Variants in SLC5A10 observed in about 807,000 individuals in gnomAD.
The protein encoded by SLC5A10 is sodium/mannose cotransporter SLC5A10.
SLC5A10 carries 55 observed loss-of-function variants against 68.9 expected under a neutral mutation model. The ratio of observed to expected loss-of-function variants is 0.80; its 90% CI spans 0.64 to 1.00. SLC5A10 has a LOEUF of 1.00. SLC5A10 is among the 50% of genes least tolerant of loss of function. The pLI, the probability that SLC5A10 is intolerant of heterozygous loss-of-function variation, is 0.00. For synonymous variants in SLC5A10, 344 were observed against 344.8 expected, an observed-to-expected ratio of 1.00 and a Z score of 0.02; for missense variants, 732 against 819.3, an observed-to-expected ratio of 0.89 and a Z score of 1.30.
At chr17:18,983,304 C>T (rs563250134) in intron 9 of SLC5A10, among the ~76,000 whole-genome samples, 52 of 152,354 alleles carry the variant, frequency 3.4e-4, no homozygotes, top group African/African-American at 1.2e-3. Flanking sequence ...ATGGGGCGCT[C>T]GAGGCCCAGA....
At chr17:19,002,685 C>T (rs1281128427) in intron 9 of SLC5A10, among the ~76,000 whole-genome samples, 1 of 152,202 alleles carries the variant, frequency 6.6e-6, no homozygotes, top group Non-Finnish European at 1.5e-5. Flanking sequence ...GCATTAGCAC[C>T]TGCTCATGGT....
At chr17:18,956,465 G>GTT (rs750867503) in intron 1 of SLC5A10, among the ~76,000 whole-genome samples, 1,760 of 97,980 alleles carry the variant, frequency 0.018, 94 homozygotes, top group African/African-American at 0.059. Context: ...TTTTCTTTCT[G>GTT]TTTTTTTTTT....
intron 10 of SLC5A10, 27 bp downstream of exon 10, chr17:19,013,544 G>T: frequency 3.5e-6 from 5 of 1,424,046 alleles, no homozygotes; most frequent in Non-Finnish European, 3.7e-6. Flanking sequence ...GGGGGTCTGG[G>T]TGGAGGGCGT....
At chr17:19,015,522 CCAGCTGCGCCA>C (rs1485452112) in intron 11 of SLC5A10, among the ~76,000 whole-genome samples, 1 of 152,194 alleles carries the variant, frequency 6.6e-6, no homozygotes, top group Non-Finnish European at 1.5e-5. Context: ...CTGATGGTTC[CCAGCTGCGCCA>C]CAGAGGGCCC....
Position 19,013,424 on chromosome 17 carries a change from G to A in SLC5A10, c.997G>A (p.Val333Met), listed in dbSNP as rs540644144. 3.0e-5 allele frequency: 48 copies of A among 1,607,030 alleles called. No individual in the cohort carries two copies. The highest frequency in any genetic ancestry group is 1.7e-4 in the Middle Eastern group (1 of 6,048). ...CTCTCGAACAGATGATGTGGGCTGC[G>A]TGGTGCCGTCCGAGTGCCTGCGGGC... ...RALFPDDVGC[V>M]VPSECLRACG... Residue 333 changes from valine to methionine, a missense_variant, in exon 10 of 15, where the codon GTG becomes ATG. By Grantham distance (21) the Val-to-Met change is conservative. Transcript: ENST00000395645.
chr17:18,960,322 C>T (rs2042586060), intron 4 of SLC5A10, among the ~76,000 whole-genome samples: 1 of 152,246 alleles, frequency 6.6e-6, no homozygotes, highest in African/African-American at 2.4e-5. Context: ...GTCTAGGGAT[C>T]TCAGCCTGCC....
intron 7 of SLC5A10, 177 bp from the exon 8 acceptor site, chr17:18,970,836 T>TAAA: frequency 1.4e-5 from 7 of 508,154 alleles, no homozygotes; most frequent in South Asian, 7.3e-5. Flanking sequence ...AAATACACCT[T>TAAA]AAAAAAAAAA....
chr17:18,974,053 C>T (rs536468004), intron 8 of SLC5A10, among the ~76,000 whole-genome samples: 73 of 152,124 alleles, frequency 4.8e-4, no homozygotes, highest in African/African-American at 1.5e-3. Flanking sequence ...CCATCATGCC[C>T]GGCTAATTTT....
In SLC5A10 at chr17:19,004,011, C is replaced by T. The variant is rs753502256; in HGVS notation, c.983-9399C>T. Reference sequence around the variant, plus strand: ...CTGGAGCGCCAGTTCACATGGTTGTCGTCCAGACACTGCACCTGAGAGAAG... The same window carrying T: ...CTGGAGCGCCAGTTCACATGGTTGTTGTCCAGACACTGCACCTGAGAGAAG... On this transcript the variant is annotated intron_variant, in intron 9 of 14. Coordinates refer to ENST00000395645, the MANE Select transcript of SLC5A10 (RefSeq NM_001042450.4). This position sits in a 1 kb window ranked among gnomAD's most constrained non-coding sequence, Gnocchi z 5.4. 1.2e-5 allele frequency: 20 copies of T among 1,608,512 alleles called. 1 individual carries two copies. The highest frequency in any genetic ancestry group is 1.7e-4 in the Middle Eastern group (1 of 6,008).
Position 19,013,465 on chromosome 17 carries a change from C to T in SLC5A10, c.1038C>T (p.Val346=), listed in dbSNP as rs766312962. ...SECLRACGAE[V]GCSNIAYPKL... The stretch of plus-strand genomic sequence containing the variant: ...GCCTGCGGGCCTGCGGGGCCGAGGT[C>T]GGCTGCTCCAACATCGCCTACCCCA... Residue 346 remains valine, a synonymous_variant, in exon 10 of 15, where the codon GTC becomes GTT. Coordinates refer to ENST00000395645, the MANE Select transcript of SLC5A10 (RefSeq NM_001042450.4). 2.1e-5 allele frequency: 34 copies of T among 1,603,706 alleles called. No homozygotes were observed. Among genetic ancestry groups the T allele is most frequent in the Middle Eastern group, 1.7e-4 (1 of 6,030 alleles).
At chr17:18,955,459 TG>T (rs979446357) in intron 1 of SLC5A10, among the ~76,000 whole-genome samples, 7 of 152,220 alleles carry the variant, frequency 4.6e-5, no homozygotes, top group African/African-American at 1.4e-4. Flanking sequence ...AACTCTGGCA[TG>T]GGGGCCTTCG....
chr17:18,996,770 T>C lies in SLC5A10; in HGVS notation c.983-16640T>C, dbSNP rs986979457. On this transcript the variant is annotated intron_variant, in intron 9 of 14. Transcript: ENST00000395645. This position sits in a 1 kb window ranked among gnomAD's most constrained non-coding sequence, Gnocchi z 4.4. ...GTCAACTAGTGGCAGAGGTCTCCTG[T>C]TCCTAGGCTTTTCTCCTAATGGGGG... Among the ~76,000 whole-genome samples, 1 of 152,198 alleles carries C rather than the reference T, an allele frequency of 6.6e-6. No homozygotes were observed. Among genetic ancestry groups the C allele is most frequent in the African/African-American group, 2.4e-5 (1 of 41,448 alleles).
intron 9 of SLC5A10, among the ~76,000 whole-genome samples, chr17:18,994,005 C>T (rs1441309794): frequency 6.6e-6 from 1 of 152,222 alleles, no homozygotes; most frequent in Non-Finnish European, 1.5e-5. Context: ...CCACAGCTCC[C>T]TCTGGGGTGA....
At chr17:18,978,982 A>G in intron 9 of SLC5A10, 1 of 1,015,756 alleles carries the variant, frequency 9.8e-7, no homozygotes, top group Non-Finnish European at 1.4e-6. Context: ...ATGGGGGCAG[A>G]GAGCAGGTGC....
In SLC5A10 at chr17:19,003,410, T is replaced by A. The variant is rs1482436012; in HGVS notation, c.983-10000T>A. 3.4e-6 allele frequency: 4 copies of A among 1,180,576 alleles called. No homozygotes were observed. The highest frequency in any genetic ancestry group is 3.2e-5 in the African/African-American group (2 of 62,424). The allele number at this position is 1,180,576 out of a possible 1,614,324, so 73.1% of individuals were successfully genotyped here. Reference sequence around the variant, plus strand: ...AGGCAGCCAGGGAAAACAGCAGAGATCCCTAGAAGCCCATGTTGGGCTCCC... The same window carrying A: ...AGGCAGCCAGGGAAAACAGCAGAGAACCCTAGAAGCCCATGTTGGGCTCCC... On this transcript the variant is annotated intron_variant, in intron 9 of 14. Transcript: ENST00000395645. The surrounding 1 kb of genome is among the most constrained non-coding windows in gnomAD (Gnocchi z 4.5).
At chr17:18,959,308 G>A in intron 3 of SLC5A10, 69 bp downstream of exon 3, 1 of 1,495,648 alleles carries the variant, frequency 6.7e-7, no homozygotes, top group Non-Finnish European at 9.2e-7. Context: ...CACTGGAGGG[G>A]GACAGCTCCC....
chr17:19,003,597 C>T lies in SLC5A10; in HGVS notation c.983-9813C>T, dbSNP rs77294509. The stretch of plus-strand genomic sequence containing the variant: ...CCGTCTATGGGGGGCTGCATGTAGA[C>T]GCTAGCCCGGGTCACGCCGCGGTAG... On this transcript the variant is annotated intron_variant, in intron 9 of 14. Transcript: ENST00000395645. The surrounding 1 kb of genome is among the most constrained non-coding windows in gnomAD (Gnocchi z 4.5). The T allele has an allele frequency of 1.2e-6, 2 of 1,609,624 alleles. No homozygotes were observed. The highest frequency in any genetic ancestry group is 1.7e-6 in the Non-Finnish European group (2 of 1,178,028).
At chr17:18,966,842 G>A (rs956266177) in intron 5 of SLC5A10, among the ~76,000 whole-genome samples, 3 of 151,976 alleles carry the variant, frequency 2.0e-5, no homozygotes, top group East Asian at 1.9e-4. Context: ...ACAGTCCCAC[G>A]GAGCATCCCG....
At chr17:18,957,651 A>G (rs1284714160) in intron 1 of SLC5A10, among the ~76,000 whole-genome samples, 3 of 152,052 alleles carry the variant, frequency 2.0e-5, no homozygotes, top group Admixed American at 1.3e-4. Context: ...TTTTTAGTAG[A>G]GACAGGGTTT....
Sources: allele counts gnomAD v4.1 joint callset (sites outside exome capture counted in the v4.1 genomes callset), GRCh38; gene constraint gnomAD v4.1.1; non-coding constraint Gnocchi (gnomAD v3.1); transcripts MANE v1.5; gene names NCBI Gene and HGNC (gene_info 2026-07-23, HGNC 2026-07-21).